Variants in C2orf80 observed in about 807,000 individuals in gnomAD.
C2orf80 encodes uncharacterized protein C2orf80.
Under a neutral mutation model 30.2 loss-of-function variants are expected in C2orf80, and 28 were observed. The observed-to-expected ratio is 0.93, with a 90% CI of 0.69 to 1.27. C2orf80 has a LOEUF of 1.27. Among genes scored for constraint, C2orf80 ranks in the 50% most tolerant of loss-of-function variants. C2orf80 has a pLI of 0.00. For missense variants in C2orf80, 220 were observed against 231.0 expected (o/e 0.95, Z 0.31); for synonymous variants, 80 against 76.4 (o/e 1.05, Z -0.24).
chr2:208,184,172 G>C (rs754627086), intron 3 of C2orf80, among the ~76,000 whole-genome samples: 2 of 148,420 alleles, frequency 1.3e-5, no homozygotes, highest in African/African-American at 2.5e-5. Flanking sequence ...CCTAGGCCGC[G>C]GGGGCGCCCC....
At chr2:208,185,068 T>C (rs770794845) in intron 2 of C2orf80, 36 bp from the exon 3 acceptor site, 1 of 1,536,900 alleles carries the variant, frequency 6.5e-7, no homozygotes, top group East Asian at 2.3e-5. Context: ...ACCATTGGAG[T>C]GACACGGGCT....
chr2:208,170,232 C>T (rs939204417), intron 8 of C2orf80, among the ~76,000 whole-genome samples: 23 of 152,252 alleles, frequency 1.5e-4, no homozygotes, highest in Admixed American at 1.4e-3. Flanking sequence ...CACCCTGTAC[C>T]ACTTTTCTGA....
chr2:208,169,143 A>G lies in C2orf80; in HGVS notation c.573+1802T>C, dbSNP rs138217521. On this transcript the variant is annotated intron_variant, in intron 8 of 8. Transcript: ENST00000341287. ...AATTATATTTAAAAATAAGATACCAATGAGTAATCTTTAGAGGTAGGTTTT... is the reference window on the plus strand; with the variant it reads ...AATTATATTTAAAAATAAGATACCAGTGAGTAATCTTTAGAGGTAGGTTTT... 4.4e-3 allele frequency among the ~76,000 whole-genome samples: 670 copies of G among 152,240 alleles called. 6 individuals are homozygous for G. Among genetic ancestry groups the G allele is most frequent in the African/African-American group, 0.014 (570 of 41,546 alleles).
At chr2:208,170,891 G>A (rs1696076345) in intron 8 of C2orf80, 54 bp downstream of exon 8, 1 of 1,411,792 alleles carries the variant, frequency 7.1e-7, no homozygotes, top group Admixed American at 1.7e-5. Flanking sequence ...TATCAGGAAA[G>A]TACTCCCAAA....
At chr2:208,178,368 T>C (rs1406858923) in intron 6 of C2orf80, among the ~76,000 whole-genome samples, 1 of 151,958 alleles carries the variant, frequency 6.6e-6, no homozygotes, top group Non-Finnish European at 1.5e-5. Context: ...ACAGAAGGGT[T>C]TGGGGCTCAG....
At chr2:208,185,619 G>T (rs1359508180) in intron 2 of C2orf80, among the ~76,000 whole-genome samples, 1 of 152,104 alleles carries the variant, frequency 6.6e-6, no homozygotes, top group African/African-American at 2.4e-5. Context: ...AGAGAGAAAG[G>T]TGCTACCCCG....
chr2:208,178,671 G>C (rs957275381), intron 6 of C2orf80, among the ~76,000 whole-genome samples: 3 of 152,010 alleles, frequency 2.0e-5, no homozygotes, highest in African/African-American at 7.2e-5. Context: ...CCCAGCATTA[G>C]GGGAGGCCAA....
intron 3 of C2orf80, 117 bp downstream of exon 3, chr2:208,184,834 C>T: frequency 1.4e-6 from 1 of 702,860 alleles, no homozygotes; most frequent in Non-Finnish European, 2.4e-6. Flanking sequence ...AGGAAGAGGA[C>T]ATTTGGGGGA....
chr2:208,178,908 C>T (rs1336396277), intron 6 of C2orf80, among the ~76,000 whole-genome samples: 1 of 152,108 alleles, frequency 6.6e-6, no homozygotes, highest in Non-Finnish European at 1.5e-5. Flanking sequence ...CAGGCGACCG[C>T]CACCACACCT....
chr2:208,170,081 T>C (rs1449709307), intron 8 of C2orf80, among the ~76,000 whole-genome samples: 2 of 152,208 alleles, frequency 1.3e-5, no homozygotes, highest in African/African-American at 4.8e-5. Context: ...AATTGTCACT[T>C]GTTTCCTGAT....
chr2:208,177,558 A>G (rs1020101889), intron 6 of C2orf80, among the ~76,000 whole-genome samples: 2 of 151,932 alleles, frequency 1.3e-5, no homozygotes, highest in African/African-American at 4.8e-5. Context: ...AAAACAAACA[A>G]ACAAACAAAA....
At chr2:208,167,879 A>ATTTTT (rs370751271) in intron 8 of C2orf80, among the ~76,000 whole-genome samples, 2 of 146,416 alleles carry the variant, frequency 1.4e-5, no homozygotes, top group South Asian at 2.2e-4. Context: ...CCTGGCTGTG[A>ATTTTT]TTTTTTTTTT....
intron 8 of C2orf80, among the ~76,000 whole-genome samples, chr2:208,166,551 T>G (rs918816867): frequency 6.6e-6 from 1 of 152,218 alleles, no homozygotes; most frequent in African/African-American, 2.4e-5. Context: ...GGATTTAAAT[T>G]TAAATTGTCC....
chr2:208,173,493 T>C (rs983007954), intron 6 of C2orf80, among the ~76,000 whole-genome samples: 15 of 152,008 alleles, frequency 9.9e-5, no homozygotes, highest in African/African-American at 1.9e-4. Flanking sequence ...GGCGTGGTGG[T>C]GGGCACCTGT....
chr2:208,185,897 T>A (rs991891485), intron 2 of C2orf80, among the ~76,000 whole-genome samples: 29 of 152,180 alleles, frequency 1.9e-4, no homozygotes, highest in Non-Finnish European at 3.5e-4. Context: ...ATTATTTGGA[T>A]GAGATATGTG....
intron 1 of C2orf80, among the ~76,000 whole-genome samples, chr2:208,188,656 G>A (rs1003918073): frequency 6.6e-6 from 1 of 151,988 alleles, no homozygotes; most frequent in Non-Finnish European, 1.5e-5. Flanking sequence ...TCATCATATT[G>A]GCCAGGATGG....
At chr2:208,181,450 C>T (rs1696557000) in intron 4 of C2orf80, 145 bp from the exon 5 acceptor site, 3 of 560,750 alleles carry the variant, frequency 5.3e-6, no homozygotes, top group Non-Finnish European at 6.3e-6. Flanking sequence ...ATGATTGTTC[C>T]TCCATCGGTG....
chr2:208,173,572 C>T (rs1203157968), intron 6 of C2orf80, among the ~76,000 whole-genome samples: 1 of 152,020 alleles, frequency 6.6e-6, no homozygotes, highest in Admixed American at 6.6e-5. Context: ...TTGCCGTGAG[C>T]CGAGATCGTG....
intron 5 of C2orf80, 149 bp downstream of exon 5, chr2:208,181,069 T>C: frequency 1.5e-6 from 1 of 689,276 alleles, no homozygotes; most frequent in Non-Finnish European, 2.4e-6. Context: ...TTAGTCTTTT[T>C]ATTACTTTAA....
Sources: allele counts gnomAD v4.1 joint callset (sites outside exome capture counted in the v4.1 genomes callset), GRCh38; gene constraint gnomAD v4.1.1; transcripts MANE v1.5; gene names NCBI Gene and HGNC (gene_info 2026-07-23, HGNC 2026-07-21).